ANKFN1: variants seen among roughly 807,000 people sequenced by gnomAD.
The protein encoded by ANKFN1 is ankyrin repeat and fibronectin type-III domain-containing protein 1.
A neutral mutation model predicts 108.7 loss-of-function variants in ANKFN1; 74 were observed. The ratio of observed to expected loss-of-function variants is 0.68; its 90% CI spans 0.56 to 0.83. The LOEUF (loss-of-function observed/expected upper bound fraction) is 0.83, where lower values mean the gene tolerates loss of function less well. Among genes scored for constraint, ANKFN1 ranks in the 40% least tolerant of loss-of-function variants. The pLI is 0.00. For synonymous variants in ANKFN1, 547 were observed against 516.2 expected (o/e 1.06, Z -0.81); for missense variants, 1,505 against 1,382.3 (o/e 1.09, Z -1.41).
chr17:56,392,267 A>G (rs1383047650), intron 8 of ANKFN1, among the ~76,000 whole-genome samples: 2 of 152,210 alleles, frequency 1.3e-5, no homozygotes, highest in Non-Finnish European at 2.9e-5. Flanking sequence ...GCAAGGGCCC[A>G]TCAGTAACCA....
intron 4 of ANKFN1, among the ~76,000 whole-genome samples, chr17:56,060,445 T>TGGC (rs1446408009): frequency 6.6e-6 from 1 of 152,212 alleles, no homozygotes; most frequent in Non-Finnish European, 1.5e-5. Context: ...CTGATTGCCC[T>TGGC]GGCCAGAACT....
At chr17:56,481,023 T>C (rs898882151) in intron 17 of ANKFN1, among the ~76,000 whole-genome samples, 1 of 142,276 alleles carries the variant, frequency 7.0e-6, no homozygotes, top group African/African-American at 2.7e-5. Flanking sequence ...TTCCTCCAGC[T>C]CCTCTGTGTT....
chr17:56,434,096 GC>G (rs922449336), intron 8 of ANKFN1, among the ~76,000 whole-genome samples: 1 of 152,132 alleles, frequency 6.6e-6, no homozygotes, highest in African/African-American at 2.4e-5. Context: ...CAATTAACAA[GC>G]AAATGGTTCA....
chr17:56,140,885 C>A (rs1907879466), intron 4 of ANKFN1, among the ~76,000 whole-genome samples: 1 of 152,178 alleles, frequency 6.6e-6, no homozygotes, highest in Non-Finnish European at 1.5e-5. Context: ...GTCGCTTACA[C>A]TCCCAAGTAG....
intron 4 of ANKFN1, among the ~76,000 whole-genome samples, chr17:56,124,644 C>T (rs74963544): frequency 0.017 from 2,571 of 152,290 alleles, 88 homozygotes; most frequent in African/African-American, 0.059. Context: ...CCCAATCAGA[C>T]GCTCGGAACA....
chr17:56,454,866 G>A (rs1358941777), intron 11 of ANKFN1, among the ~76,000 whole-genome samples: 5 of 152,192 alleles, frequency 3.3e-5, no homozygotes, highest in African/African-American at 4.8e-5. Flanking sequence ...CTCCGGAGAT[G>A]TATGTTGTTG....
chr17:56,419,102 A>C (rs940801816), intron 8 of ANKFN1, among the ~76,000 whole-genome samples: 1 of 152,192 alleles, frequency 6.6e-6, no homozygotes, highest in Non-Finnish European at 1.5e-5. Flanking sequence ...TCAGGTCAGA[A>C]TCTCCAGGCA....
At chr17:56,212,793 C>T (rs536188438) in intron 2 of ANKFN1, among the ~76,000 whole-genome samples, 114 bp downstream of exon 2, 118 of 152,274 alleles carry the variant, frequency 7.7e-4, no homozygotes, top group African/African-American at 2.7e-3. Context: ...CACCCAAAGG[C>T]GCAAACCACT....
At chr17:56,405,468 G>A (rs1276164589) in intron 8 of ANKFN1, among the ~76,000 whole-genome samples, 1 of 152,116 alleles carries the variant, frequency 6.6e-6, no homozygotes, top group Non-Finnish European at 1.5e-5. Context: ...CTTATGGAGA[G>A]TAGTTTGGCA....
At chr17:56,482,589 T>C in intron 18 of ANKFN1, 65 bp downstream of exon 18, 2 of 1,556,822 alleles carry the variant, frequency 1.3e-6, no homozygotes, top group Non-Finnish European at 1.7e-6. Flanking sequence ...CACAAAGTTA[T>C]ATCTGTTCCC....
At chr17:56,312,172 C>G (rs779754868) in intron 3 of ANKFN1, among the ~76,000 whole-genome samples, 1 of 152,198 alleles carries the variant, frequency 6.6e-6, no homozygotes, top group African/African-American at 2.4e-5. Flanking sequence ...CTATCCTCAG[C>G]CTATCTGATA....
chr17:56,462,207 G>GT (rs771279086), intron 14 of ANKFN1: 66 of 152,338 alleles, frequency 4.3e-4, no homozygotes, highest in Non-Finnish European at 9.0e-4. Context: ...GAAGGGAGGC[G>GT]TAAGTTATAG....
intron 8 of ANKFN1, among the ~76,000 whole-genome samples, chr17:56,406,546 T>C (rs1196895889): frequency 1.3e-5 from 2 of 152,204 alleles, no homozygotes; most frequent in Non-Finnish European, 2.9e-5. Flanking sequence ...TATTTAATTT[T>C]TGTGTAATAT....
At chr17:56,486,425 A>G (rs934884695) in intron 18 of ANKFN1, among the ~76,000 whole-genome samples, 1 of 152,232 alleles carries the variant, frequency 6.6e-6, no homozygotes, top group African/African-American at 2.4e-5. Context: ...AACAATTTCA[A>G]AAACACTTCT....
chr17:56,486,619 G>T (rs1199973473), intron 18 of ANKFN1, among the ~76,000 whole-genome samples: 3 of 152,120 alleles, frequency 2.0e-5, no homozygotes, highest in Admixed American at 2.0e-4. Context: ...CTCTAAGAAG[G>T]ATGCTAAGCA....
At chr17:56,456,715 A>T (rs2049717872) in intron 11 of ANKFN1, 146 bp from the exon 12 acceptor site, 2 of 676,268 alleles carry the variant, frequency 3.0e-6, no homozygotes, top group Non-Finnish European at 5.2e-6. Context: ...TCTTATAGGC[A>T]TGAATGAGCA....
At chr17:56,202,795 CA>C (rs1253723484) in intron 1 of ANKFN1, among the ~76,000 whole-genome samples, 1 of 152,106 alleles carries the variant, frequency 6.6e-6, no homozygotes, top group East Asian at 1.9e-4. Context: ...TGGAACTGTT[CA>C]AAAAGGTTTT....
chr17:56,338,825 C>A (rs1283647384), intron 4 of ANKFN1, among the ~76,000 whole-genome samples: 1 of 151,888 alleles, frequency 6.6e-6, no homozygotes, highest in Non-Finnish European at 1.5e-5. Context: ...AAAGAATGGG[C>A]AAGTTAGTGA....
intron 20 of ANKFN1, among the ~76,000 whole-genome samples, chr17:56,500,547 T>C (rs1250616484): frequency 6.6e-6 from 1 of 152,218 alleles, no homozygotes; most frequent in Non-Finnish European, 1.5e-5. Context: ...GCCTACCTGC[T>C]ATGAAGTTAT....
Sources: allele counts gnomAD v4.1 joint callset (sites outside exome capture counted in the v4.1 genomes callset), GRCh38; gene constraint gnomAD v4.1.1; transcripts MANE v1.5; gene names NCBI Gene and HGNC (gene_info 2026-07-23, HGNC 2026-07-21).